The following CHRM3 variants were observed in gnomAD, a reference collection of about 807,000 sequenced individuals.
CHRM3 encodes the protein muscarinic acetylcholine receptor M3.
Under a neutral mutation model 41.8 loss-of-function variants are expected in CHRM3, and 11 were observed. That is an observed-to-expected ratio of 0.26 (90% CI 0.17 to 0.44). The LOEUF is 0.44. CHRM3 is among the 20% of genes least tolerant of loss of function. The probability of loss-of-function intolerance (pLI) is 1.00; values close to 1 mark genes in which losing one functional copy is unlikely to be tolerated. For synonymous variants in CHRM3, 297 were observed against 301.4 expected, an observed-to-expected ratio of 0.99 and a Z score of 0.15; for missense variants, 571 against 745.4, an observed-to-expected ratio of 0.77 and a Z score of 2.72.
chr1:239,444,843 A>G (rs560876168), intron 1 of CHRM3, among the ~76,000 whole-genome samples: 1 of 152,266 alleles, frequency 6.6e-6, no homozygotes, highest in Admixed American at 6.5e-5. Context: ...TTAGAAAAGG[A>G]AGAGTGTCTC....
intron 5 of CHRM3, among the ~76,000 whole-genome samples, chr1:239,764,207 A>G (rs1354317874): frequency 1.3e-5 from 2 of 152,062 alleles, no homozygotes; most frequent in Non-Finnish European, 2.9e-5. Flanking sequence ...ACCTTCATTA[A>G]TGTGGTTATC....
rs542424863 is a variant in CHRM3 at position 239,474,902 on chromosome 1, T to C, written c.-520-17807T>C. Among the ~76,000 whole-genome samples, 9 of 152,224 alleles carry C rather than the reference T, an allele frequency of 5.9e-5. No individual in the cohort carries two copies. In the East Asian group the frequency reaches 1.7e-3, roughly 29 times the overall value. ...TATGTTGTTAATAGTAGACTGTGTT[T>C]ACATCAAACAAAAATAAATGAGACA... On this transcript the variant is annotated intron_variant, in intron 1 of 6. Coordinates refer to ENST00000676153, the MANE Select transcript of CHRM3 (RefSeq NM_001375978.1).
chr1:239,486,174 A>G (rs1394977943), intron 1 of CHRM3, among the ~76,000 whole-genome samples: 1 of 152,138 alleles, frequency 6.6e-6, no homozygotes, highest in Non-Finnish European at 1.5e-5. Context: ...TGAATATCAG[A>G]TTTGTCATTC....
intron 3 of CHRM3, among the ~76,000 whole-genome samples, chr1:239,599,769 C>A (rs978384892): frequency 6.6e-6 from 1 of 152,114 alleles, no homozygotes; most frequent in East Asian, 1.9e-4. Context: ...AACACAAAAC[C>A]TATTTTATAA....
chr1:239,550,111 G>A (rs1323821336), intron 3 of CHRM3, among the ~76,000 whole-genome samples: 1 of 151,958 alleles, frequency 6.6e-6, no homozygotes, highest in East Asian at 2.0e-4. Flanking sequence ...CTGCCTCCTT[G>A]CTGACCAAGC....
chr1:239,528,075 C>T (rs1670121321), intron 2 of CHRM3, among the ~76,000 whole-genome samples: 1 of 152,154 alleles, frequency 6.6e-6, no homozygotes, highest in South Asian at 2.1e-4. Context: ...TTAGTGTCAG[C>T]AACTATCATT....
intron 3 of CHRM3, among the ~76,000 whole-genome samples, chr1:239,559,121 C>T (rs1660638879): frequency 6.6e-6 from 1 of 152,154 alleles, no homozygotes; most frequent in African/African-American, 2.4e-5. Flanking sequence ...TGCACAACAG[C>T]CATCTCTTAT....
chr1:239,872,035 GT>G (rs1349204578), intron 6 of CHRM3, among the ~76,000 whole-genome samples: 1 of 152,120 alleles, frequency 6.6e-6, no homozygotes, highest in Non-Finnish European at 1.5e-5. Context: ...AATAAACTTT[GT>G]AAGAAAGCTA....
At chr1:239,551,643 AT>A (rs1659842378) in intron 3 of CHRM3, among the ~76,000 whole-genome samples, 1 of 152,154 alleles carries the variant, frequency 6.6e-6, no homozygotes, top group African/African-American at 2.4e-5. Context: ...CTGAAATTTT[AT>A]CATACAATTG....
chr1:239,446,295 C>T (rs2354400), intron 1 of CHRM3, among the ~76,000 whole-genome samples: 4,439 of 152,248 alleles, frequency 0.029, 71 homozygotes, highest in Middle Eastern at 0.048. Context: ...GAGTTGAATG[C>T]ATTAGTATTT....
intron 6 of CHRM3, among the ~76,000 whole-genome samples, chr1:239,850,734 G>A (rs1572485526): frequency 6.6e-6 from 1 of 152,046 alleles, no homozygotes; most frequent in South Asian, 2.1e-4. Context: ...GTGATCTGAT[G>A]GTTTTATAAG....
chr1:239,700,938 A>G (rs1051742256), intron 5 of CHRM3, among the ~76,000 whole-genome samples: 5 of 152,162 alleles, frequency 3.3e-5, no homozygotes, highest in African/African-American at 1.2e-4. Context: ...TACTGTAGAT[A>G]TGATGTGAAC....
intron 2 of CHRM3, among the ~76,000 whole-genome samples, chr1:239,495,687 C>G (rs916596799): frequency 3.9e-5 from 6 of 152,106 alleles, no homozygotes; most frequent in Admixed American, 1.3e-4. Flanking sequence ...GCTTGGCTTT[C>G]CCCTTATAGA....
Position 239,879,872 on chromosome 1 carries a change from C to T in CHRM3, c.-19-27561C>T, listed in dbSNP as rs536793917. Reference sequence around the variant, plus strand: ...ACACTGGACATAGTTAAGGTTAAATCTCTTTCTGAGGACCATGAAACTATA... The same window carrying T: ...ACACTGGACATAGTTAAGGTTAAATTTCTTTCTGAGGACCATGAAACTATA... On this transcript the variant is annotated intron_variant, in intron 6 of 6. Coordinates refer to ENST00000676153, the MANE Select transcript of CHRM3 (RefSeq NM_001375978.1). Among the ~76,000 whole-genome samples, 6 of 152,334 alleles carry T rather than the reference C, an allele frequency of 3.9e-5. No homozygotes were observed. The South Asian group carries it at 1.2e-3, about 32-fold the overall frequency.
At chr1:239,724,963 C>T (rs1465241804) in intron 5 of CHRM3, among the ~76,000 whole-genome samples, 1 of 151,760 alleles carries the variant, frequency 6.6e-6, no homozygotes, top group African/African-American at 2.4e-5. Context: ...AGCCCAGTTA[C>T]TTATTGTTAT....
intron 1 of CHRM3, among the ~76,000 whole-genome samples, chr1:239,421,035 T>C (rs1572236699): frequency 6.6e-6 from 1 of 152,182 alleles, no homozygotes; most frequent in Non-Finnish European, 1.5e-5. Context: ...AAATAGATGG[T>C]TTACTAAGTA....
chr1:239,843,447 CTTTTTTTT>C (rs34901177), intron 6 of CHRM3, among the ~76,000 whole-genome samples: 5 of 81,224 alleles, frequency 6.2e-5, no homozygotes, highest in Admixed American at 1.6e-4. Flanking sequence ...ACTCGCTTTC[CTTTTTTTT>C]TTTTTTTTTT....
intron 6 of CHRM3, among the ~76,000 whole-genome samples, chr1:239,874,341 C>T (rs773626086): frequency 2.0e-5 from 1 of 49,904 alleles, no homozygotes; most frequent in Admixed American, 2.5e-4. Flanking sequence ...AGTTGACCCT[C>T]GAACAACACA....
chr1:239,856,554 A>C (rs12142780), intron 6 of CHRM3, among the ~76,000 whole-genome samples: 2,586 of 151,866 alleles, frequency 0.017, 31 homozygotes, highest in Non-Finnish European at 0.027. Flanking sequence ...CAGAATTGTG[A>C]ACCAATTAAA....
Sources: gnomAD v4.1 joint callset for allele counts (sites outside exome capture counted in the v4.1 genomes callset) on GRCh38, gnomAD v4.1.1 for gene constraint, MANE v1.5 for transcripts, NCBI Gene and HGNC (gene_info 2026-07-23, HGNC 2026-07-21) for gene names.